The following KCNH5 variants were observed in gnomAD, a reference collection of about 807,000 sequenced individuals.
KCNH5 encodes potassium voltage-gated channel subfamily H member 5.
KCNH5 carries 46 observed loss-of-function variants against 96.1 expected under a neutral mutation model. That is an observed-to-expected ratio of 0.48 (90% CI 0.38 to 0.61). KCNH5 has a LOEUF of 0.61. Among genes scored for constraint, KCNH5 ranks in the 20% least tolerant of loss-of-function variants. KCNH5 has a pLI of 0.00. For missense variants in KCNH5, 907 were observed against 1,225.8 expected (o/e 0.74, Z 3.88); for synonymous variants, 439 against 449.8 (o/e 0.98, Z 0.30).
intron 7 of KCNH5, among the ~76,000 whole-genome samples, chr14:62,899,546 T>C (rs938079226): frequency 6.6e-6 from 1 of 152,084 alleles, no homozygotes; most frequent in Non-Finnish European, 1.5e-5. Flanking sequence ...GTAAAAAAAA[T>C]TGAGGCCGGG....
chr14:62,937,970 C>T (rs1407708546), intron 7 of KCNH5, among the ~76,000 whole-genome samples: 4 of 152,170 alleles, frequency 2.6e-5, no homozygotes, highest in Non-Finnish European at 4.4e-5. Context: ...GAAAACTCAA[C>T]AGCCCAGTCT....
At chr14:62,870,163 C>A (rs1205925292) in intron 7 of KCNH5, among the ~76,000 whole-genome samples, 8 of 152,164 alleles carry the variant, frequency 5.3e-5, no homozygotes, top group Non-Finnish European at 8.8e-5. Context: ...TAATCAAATA[C>A]TCAGTGTCAC....
chr14:62,838,061 TA>T (rs1364865321), intron 8 of KCNH5, among the ~76,000 whole-genome samples: 1 of 152,188 alleles, frequency 6.6e-6, no homozygotes, highest in Non-Finnish European at 1.5e-5. Context: ...ACTACTGATT[TA>T]AATTATGTCT....
At chr14:62,827,682 T>C (rs890368257) in intron 8 of KCNH5, among the ~76,000 whole-genome samples, 2 of 152,208 alleles carry the variant, frequency 1.3e-5, no homozygotes, top group East Asian at 1.9e-4. Context: ...AGGTTTTTTG[T>C]CTGATTTTAT....
chr14:62,936,674 CAA>C (rs3080873), intron 7 of KCNH5, among the ~76,000 whole-genome samples: 1,298 of 119,648 alleles, frequency 0.011, 19 homozygotes, highest in African/African-American at 0.037. Flanking sequence ...GACCCTGCCT[CAA>C]AAAAAAAAAA....
At chr14:62,724,996 G>A (rs926796795) in intron 10 of KCNH5, among the ~76,000 whole-genome samples, 1 of 152,096 alleles carries the variant, frequency 6.6e-6, no homozygotes, top group South Asian at 2.1e-4. Context: ...GGAAAGTCTG[G>A]TTAAAGAGAT....
At position 62,707,706 on chromosome 14, in the gene KCNH5, C is replaced by T. The variant is rs1332018030; in HGVS notation, c.2769G>A (p.Leu923=). The T allele has an allele frequency of 6.2e-7, 1 of 1,600,966 alleles. No homozygotes were observed. The highest frequency in any genetic ancestry group is 1.7e-5 in the Admixed American group (1 of 59,602). Residue 923 remains leucine (L), a synonymous_variant, in exon 11 of 11, where the codon CTG becomes CTA. Coordinates refer to ENST00000322893, the MANE Select transcript of KCNH5 (RefSeq NM_139318.5). ...CTAGGGCAGTCATTCTGCAGCTGAG[C>T]AGCTGGATGTCCTCTTTGAGTTCGT... ...VKHELKEDIQ[L]LSCRMTALEK... is the part of the protein sequence containing the mutation.
intron 8 of KCNH5, among the ~76,000 whole-genome samples, chr14:62,815,733 A>T (rs1421861693): frequency 6.6e-6 from 1 of 152,062 alleles, no homozygotes; most frequent in Non-Finnish European, 1.5e-5. Flanking sequence ...TGAAACAGAA[A>T]TTAGAGATGC....
chr14:62,860,584 T>C (rs1036801108), intron 7 of KCNH5, among the ~76,000 whole-genome samples: 2 of 152,178 alleles, frequency 1.3e-5, no homozygotes, highest in African/African-American at 4.8e-5. Flanking sequence ...ATGTAACAAC[T>C]GTCAGGCCAC....
At chr14:63,018,175 G>A (rs1433804729) in intron 1 of KCNH5, among the ~76,000 whole-genome samples, 1 of 151,856 alleles carries the variant, frequency 6.6e-6, no homozygotes, top group Non-Finnish European at 1.5e-5. Flanking sequence ...GAAAAAGAGA[G>A]GCTTTATTAG....
At chr14:63,020,443 A>G (rs1010744450) in intron 1 of KCNH5, among the ~76,000 whole-genome samples, 1 of 152,180 alleles carries the variant, frequency 6.6e-6, no homozygotes, top group Non-Finnish European at 1.5e-5. Context: ...AAATTGTGCC[A>G]TATTTACACA....
chr14:62,868,494 G>A (rs925155203), intron 7 of KCNH5, among the ~76,000 whole-genome samples: 3 of 151,958 alleles, frequency 2.0e-5, no homozygotes, highest in Non-Finnish European at 4.4e-5. Flanking sequence ...TTTCTTTATG[G>A]TCTCATGATC....
Position 62,708,465 on chromosome 14 carries a change from G to A in KCNH5, c.2020-10C>T, listed in dbSNP as rs755413247. ...TCTTACGAAAGATGATCTGTGGAAC[G>A]GGAGAGATAGTCACAGCCTGATTAT... On this transcript the variant is annotated splice_polypyrimidine_tract_variant and intron_variant, in intron 10 of 10. Transcript: ENST00000322893. 13 of 1,545,868 alleles carry A rather than the reference G, an allele frequency of 8.4e-6. No individual in the cohort carries two copies. The Admixed American group carries it at 8.6e-5, about 10-fold the overall frequency.
chr14:62,887,799 AT>A (rs1888627871), intron 7 of KCNH5, among the ~76,000 whole-genome samples: 1 of 152,078 alleles, frequency 6.6e-6, no homozygotes, highest in Non-Finnish European at 1.5e-5. Context: ...TTCTTACTGC[AT>A]AAGAAAAAAA....
chr14:62,853,104 A>T (rs1032140146), intron 7 of KCNH5, among the ~76,000 whole-genome samples: 1 of 152,136 alleles, frequency 6.6e-6, no homozygotes, highest in African/African-American at 2.4e-5. Context: ...CAAAAACCTC[A>T]AAGTTATTCT....
At chr14:62,980,774 G>A in intron 6 of KCNH5, 98 bp downstream of exon 6, 1 of 1,270,232 alleles carries the variant, frequency 7.9e-7, no homozygotes, top group African/African-American at 1.5e-5. Context: ...GAAAGTGGTG[G>A]CTAAAAAGAG....
intron 7 of KCNH5, among the ~76,000 whole-genome samples, chr14:62,912,295 T>C (rs1889183333): frequency 6.6e-6 from 1 of 152,156 alleles, no homozygotes; most frequent in Non-Finnish European, 1.5e-5. Flanking sequence ...ATGACAACCA[T>C]CAAATCTTAT....
At chr14:63,044,751 C>G (rs1236110465) in intron 1 of KCNH5, among the ~76,000 whole-genome samples, 3 of 152,156 alleles carry the variant, frequency 2.0e-5, no homozygotes, top group Middle Eastern at 3.2e-3. Flanking sequence ...TTGGTCAGTC[C>G]CTGCTGCTCA....
chr14:62,863,708 A>T (rs929233026), intron 7 of KCNH5, among the ~76,000 whole-genome samples: 1 of 152,192 alleles, frequency 6.6e-6, no homozygotes, highest in African/African-American at 2.4e-5. Context: ...GCTATATAAG[A>T]AAAACAGTAA....
Sources: gnomAD v4.1 joint callset for allele counts (sites outside exome capture counted in the v4.1 genomes callset) on GRCh38, gnomAD v4.1.1 for gene constraint, MANE v1.5 for transcripts, NCBI Gene and HGNC (gene_info 2026-07-23, HGNC 2026-07-21) for gene names.